SYNE2: variants seen among roughly 807,000 people sequenced by gnomAD.
SYNE2 encodes spectrin repeat containing nuclear envelope protein 2.
A neutral mutation model predicts 856.3 loss-of-function variants in SYNE2; 431 were observed. The observed-to-expected ratio is 0.50, with a 90% confidence interval of 0.47 to 0.55. The LOEUF is 0.55. Among genes scored for constraint, SYNE2 ranks in the 20% least tolerant of loss-of-function variants. SYNE2 has a pLI of 0.00. For synonymous variants in SYNE2, 2,923 were observed against 2,872.3 expected, an observed-to-expected ratio of 1.02 and a Z score of -0.56; for missense variants, 8,129 against 8,023.2, an observed-to-expected ratio of 1.01 and a Z score of -0.50.
rs1185779296 is a variant in SYNE2 at position 64,074,036 on chromosome 14, C to A, written c.10766C>A (p.Thr3589Lys). The change falls in exon 53 of 116, where the codon ACA (threonine) becomes AAA (lysine). Residue 3589 changes from threonine (T) to lysine (K), a missense_variant. Transcript: ENST00000555002. The part of the protein sequence containing the change: ...QTEIQERHSF[T>K]KEIIALKNFF... Reference sequence around the variant, plus strand: ...GAAATCCAAGAAAGACATTCCTTCACAAAAGAGATAATTGCTTTGAAGAAT... The same window carrying A: ...GAAATCCAAGAAAGACATTCCTTCAAAAAAGAGATAATTGCTTTGAAGAAT... The A allele has an allele frequency of 6.2e-7, 1 of 1,614,032 alleles. No homozygotes were observed. The highest frequency in any genetic ancestry group is 8.5e-7 in the Non-Finnish European group (1 of 1,180,008).
chr14:64,043,797 A>T (rs2097166573), intron 45 of SYNE2, among the ~76,000 whole-genome samples: 1 of 152,256 alleles, frequency 6.6e-6, no homozygotes, highest in Admixed American at 6.5e-5. Context: ...GGGCCCTCAC[A>T]GAGAACCTCT....
chr14:64,193,690 G>T (rs1388989144), intron 99 of SYNE2, among the ~76,000 whole-genome samples: 1 of 152,138 alleles, frequency 6.6e-6, no homozygotes, highest in Non-Finnish European at 1.5e-5. Context: ...ATTCACTGGA[G>T]GAAAAAATGG....
intron 2 of SYNE2, among the ~76,000 whole-genome samples, chr14:63,927,578 C>T (rs187894151): frequency 6.6e-6 from 1 of 152,242 alleles, no homozygotes; most frequent in Admixed American, 6.5e-5. Flanking sequence ...GTCTCTCATT[C>T]TCTCTTGTCT....
chr14:64,137,855 G>A lies in SYNE2; in HGVS notation c.14715G>A (p.Leu4905=). The change falls in exon 79 of 116, where the codon TTG becomes TTA. Residue 4905 remains leucine (L), a synonymous_variant. Transcript: ENST00000555002. The part of the protein sequence containing the change: ...LYQTLNEGKQ[L]VASVSCPELE... Reference sequence around the variant, plus strand: ...AAACTCTGAACGAAGGCAAACAGTTGGTGGCGTCTGTGAGCTGTCCTGAAT... The same window carrying A: ...AAACTCTGAACGAAGGCAAACAGTTAGTGGCGTCTGTGAGCTGTCCTGAAT... The A allele has an allele frequency of 1.9e-6, 3 of 1,614,218 alleles. No individual in the cohort carries two copies. The highest frequency in any genetic ancestry group is 2.5e-6 in the Non-Finnish European group (3 of 1,180,040).
Position 64,002,828 on chromosome 14 carries a change from AATATT to A in SYNE2, c.3899_3903del (p.Ile1300ThrfsTer8). 6.2e-7 allele frequency: 1 copy of A among 1,614,176 alleles called. No individual in the cohort carries two copies. The highest frequency in any genetic ancestry group is 8.5e-7 in the Non-Finnish European group (1 of 1,180,034). On this transcript the variant is annotated frameshift_variant, in exon 30 of 116. Coordinates refer to ENST00000555002, the MANE Select transcript of SYNE2 (RefSeq NM_182914.3). LOFTEE classifies it high-confidence loss of function. Reference sequence around the variant, plus strand: ...CCCATTTGATCTACACGCAATGCAGAATATTATACTGAAATACAAAACACAATTTG... The same window carrying A: ...CCCATTTGATCTACACGCAATGCAGAATACTGAAATACAAAACACAATTTG...
At chr14:64,028,755 ATTG>A (rs1309216253) in intron 43 of SYNE2, among the ~76,000 whole-genome samples, 5 of 152,162 alleles carry the variant, frequency 3.3e-5, no homozygotes, top group African/African-American at 1.2e-4. Context: ...TCCATCATCT[ATTG>A]TTAGTAGTTT....
chr14:63,898,590 G>T (rs573295934), intron 1 of SYNE2, among the ~76,000 whole-genome samples: 2 of 151,760 alleles, frequency 1.3e-5, no homozygotes, highest in East Asian at 3.9e-4. Context: ...TTTTTTTGTA[G>T]AGACGGGGTT....
At chr14:63,979,152 T>C (rs2096566684) in intron 14 of SYNE2, 138 bp downstream of exon 14, 1 of 824,700 alleles carries the variant, frequency 1.2e-6, no homozygotes, top group South Asian at 1.5e-5. Flanking sequence ...AGCTTAAATA[T>C]TGCATGGAGA....
In SYNE2 at chr14:64,224,502, G is replaced by T. The variant is rs187841473; in HGVS notation, c.20424G>T (p.Ser6808=). Residue 6808 remains serine, a synonymous_variant, in exon 114 of 116, where the codon TCG becomes TCT. Transcript: ENST00000555002. ...SPLPSFDEVD[S]GDQPPATSVP... The stretch of plus-strand genomic sequence containing the variant: ...TGCCCAGCTTCGACGAGGTAGACTC[G>T]GGGGACCAGCCTCCTGCAACATCCG... The T allele has an allele frequency of 1.9e-6, 3 of 1,613,944 alleles. No individual in the cohort carries two copies. Among genetic ancestry groups the T allele is most frequent in the Non-Finnish European group, 2.5e-6 (3 of 1,180,022 alleles).
At chr14:64,209,788 C>G in intron 102 of SYNE2, 154 bp from the exon 103 acceptor site, 1 of 1,173,576 alleles carries the variant, frequency 8.5e-7, no homozygotes, top group South Asian at 1.3e-5. Flanking sequence ...AAAGCCTGTT[C>G]TGTAGCTGGC....
intron 62 of SYNE2, 38 bp from the exon 63 acceptor site, chr14:64,098,709 C>T: frequency 1.2e-6 from 2 of 1,606,112 alleles, no homozygotes; most frequent in South Asian, 1.1e-5. Flanking sequence ...TGTTGACTGG[C>T]AAGCAGACTG....
At chr14:63,776,939 A>T (rs1887131856) in intron 1 of SYNE2, among the ~76,000 whole-genome samples, 1 of 152,136 alleles carries the variant, frequency 6.6e-6, no homozygotes, top group Non-Finnish European at 1.5e-5. Flanking sequence ...ATTTTTGTAC[A>T]CATTCACCAT....
At chr14:64,112,913 G>C (rs1021798415) in intron 65 of SYNE2, among the ~76,000 whole-genome samples, 33 of 152,158 alleles carry the variant, frequency 2.2e-4, no homozygotes, top group Admixed American at 5.2e-4. Flanking sequence ...GGTAAAGATC[G>C]TGTTCTGTTT....
intron 99 of SYNE2, 78 bp from the exon 100 acceptor site, chr14:64,202,723 C>A (rs2098580033): frequency 6.3e-7 from 1 of 1,583,244 alleles, no homozygotes; most frequent in South Asian, 1.1e-5. Flanking sequence ...CACATTCTTC[C>A]ACCACTAAGT....
At chr14:63,927,697 G>A (rs1055516051) in intron 2 of SYNE2, among the ~76,000 whole-genome samples, 2 of 152,018 alleles carry the variant, frequency 1.3e-5, no homozygotes, top group Admixed American at 1.3e-4. Context: ...ATTGAGACCA[G>A]CCTGGCCAAC....
rs1595833257 is a variant in SYNE2, at chr14:64,146,834, A to C, written c.15639+611A>C. 3.3e-5 allele frequency among the ~76,000 whole-genome samples: 5 copies of C among 152,306 alleles called. No homozygotes were observed. In the South Asian group the frequency reaches 1.0e-3, roughly 32 times the overall value. ...CCATCGCCATCACGGCAGGCGGCAC[A>C]CGCTGTGCTGTTTCTGCACTTCCTG... On this transcript the variant is annotated intron_variant, in intron 84 of 115. Transcript: ENST00000555002.
chr14:63,909,759 T>C (rs1310941404), intron 2 of SYNE2, among the ~76,000 whole-genome samples: 2 of 152,204 alleles, frequency 1.3e-5, no homozygotes. Context: ...GAGAATTGTT[T>C]GAACCCGGGA....
At chr14:64,012,510 G>A (rs544876910) in intron 32 of SYNE2, among the ~76,000 whole-genome samples, 44 of 152,258 alleles carry the variant, frequency 2.9e-4, no homozygotes, top group African/African-American at 9.9e-4. Context: ...TTTGAAGTGT[G>A]TATATAGTAG....
chr14:63,807,875 GT>G (rs1386789925), intron 1 of SYNE2, among the ~76,000 whole-genome samples: 1 of 73,266 alleles, frequency 1.4e-5, no homozygotes, highest in Non-Finnish European at 2.9e-5. Flanking sequence ...AATTTCAATA[GT>G]TTTTGGGAAC....
Sources: gnomAD v4.1 joint callset for allele counts (sites outside exome capture counted in the v4.1 genomes callset) on GRCh38, gnomAD v4.1.1 for gene constraint, MANE v1.5 for transcripts, NCBI Gene and HGNC (gene_info 2026-07-23, HGNC 2026-07-21) for gene names.